The following MED13 variants were observed in gnomAD, a reference collection of about 807,000 sequenced individuals.
The protein encoded by MED13 is mediator complex subunit 13.
MED13 carries 23 observed loss-of-function variants against 225.2 expected under a neutral mutation model. That is an observed-to-expected ratio of 0.10 (90% CI 0.07 to 0.14). MED13 has a LOEUF of 0.14. MED13 is among the 10% of genes least tolerant of loss of function. The pLI is 1.00. For synonymous variants in MED13, 942 were observed against 889.2 expected (o/e 1.06, Z -1.06); for missense variants, 2,197 against 2,594.5 (o/e 0.85, Z 3.33).
chr17:61,984,137 C>T (rs757571506), intron 15 of MED13, 34 bp downstream of exon 15: 4 of 1,352,936 alleles, frequency 3.0e-6, no homozygotes, highest in Non-Finnish European at 3.9e-6. Flanking sequence ...GCTGTATAAG[C>T]AGTCACATAC....
At chr17:62,002,421 G>A (rs1175779923) in intron 9 of MED13, among the ~76,000 whole-genome samples, 1 of 150,476 alleles carries the variant, frequency 6.6e-6, no homozygotes, top group African/African-American at 2.5e-5. Context: ...CCTGGGAGGC[G>A]GAGGTTGCAG....
chr17:61,950,763 A>G, intron 28 of MED13, 62 bp downstream of exon 28: 1 of 1,507,920 alleles, frequency 6.6e-7, no homozygotes, highest in Non-Finnish European at 9.0e-7. Context: ...CCACTTCTAT[A>G]TTTCTCAGGA....
intron 2 of MED13, among the ~76,000 whole-genome samples, chr17:62,054,258 G>A (rs2080979428): frequency 6.6e-6 from 1 of 151,828 alleles, no homozygotes; most frequent in Non-Finnish European, 1.5e-5. Context: ...CCAAGATCGT[G>A]CCACTGCACT....
intron 20 of MED13, among the ~76,000 whole-genome samples, chr17:61,963,738 C>T (rs986617823): frequency 1.3e-5 from 2 of 152,056 alleles, no homozygotes; most frequent in African/African-American, 2.4e-5. Flanking sequence ...GTATCAATCT[C>T]GATAATGGTT....
intron 8 of MED13, among the ~76,000 whole-genome samples, chr17:62,016,785 G>C (rs2080586198): frequency 6.6e-6 from 1 of 152,280 alleles, no homozygotes; most frequent in African/African-American, 2.4e-5. Flanking sequence ...AAGGCGGACG[G>C]AACACCTGAG....
rs191621257 is a variant in MED13 at position 62,027,108 on chromosome 17, A to G, written c.1283+2433T>C. On this transcript the variant is annotated intron_variant, in intron 8 of 29. Transcript: ENST00000397786. ...TATTTTTAAATTTCTATGAAATTCA[A>G]AAAGAGCCCAAATAGCCAAGGCAAT... Among the ~76,000 whole-genome samples, 10 of 152,350 alleles carry G rather than the reference A, an allele frequency of 6.6e-5. No homozygotes were observed. In the East Asian group the frequency reaches 1.5e-3, roughly 23 times the overall value.
At chr17:61,968,387 G>C (rs905771735) in intron 17 of MED13, 129 bp from the exon 18 acceptor site, 1 of 617,134 alleles carries the variant, frequency 1.6e-6, no homozygotes, top group South Asian at 3.4e-5. Flanking sequence ...GTGCAGTGGC[G>C]CCATCTCGGC....
intron 3 of MED13, among the ~76,000 whole-genome samples, chr17:62,048,025 C>CAT (rs1568000827): frequency 8.9e-6 from 1 of 111,800 alleles, no homozygotes; most frequent in Non-Finnish European, 1.8e-5. Flanking sequence ...TACATATATA[C>CAT]ATATACATAT....
At chr17:62,061,376 A>G (rs2081037843) in intron 2 of MED13, among the ~76,000 whole-genome samples, 1 of 152,124 alleles carries the variant, frequency 6.6e-6, no homozygotes, top group African/African-American at 2.4e-5. Flanking sequence ...AAAAAGAAAA[A>G]AAAAATTAAA....
At chr17:61,984,971 T>C in intron 13 of MED13, 29 bp downstream of exon 13, 1 of 1,607,156 alleles carries the variant, frequency 6.2e-7, no homozygotes. Flanking sequence ...TTCGCAAATT[T>C]ATCTCGAGCA....
intron 9 of MED13, among the ~76,000 whole-genome samples, chr17:62,008,088 C>T (rs1371808977): frequency 6.8e-6 from 1 of 147,908 alleles, no homozygotes; most frequent in African/African-American, 2.5e-5. Context: ...GAGGCCGGGG[C>T]GGGCGGATCA....
At chr17:62,008,050 GCTCACGC>G (rs1443797129) in intron 9 of MED13, among the ~76,000 whole-genome samples, 1 of 142,612 alleles carries the variant, frequency 7.0e-6, no homozygotes, top group African/African-American at 2.8e-5. Context: ...GTGCGCAGTG[GCTCACGC>G]CTGTAATCCC....
intron 16 of MED13, among the ~76,000 whole-genome samples, chr17:61,976,341 TC>T (rs946506757): frequency 2.0e-5 from 3 of 152,180 alleles, no homozygotes; most frequent in African/African-American, 7.2e-5. Flanking sequence ...ATATGCAATA[TC>T]CAAAAGCGGC....
At chr17:61,964,258 A>T (rs1283636125) in intron 20 of MED13, among the ~76,000 whole-genome samples, 1 of 152,236 alleles carries the variant, frequency 6.6e-6, no homozygotes, top group Non-Finnish European at 1.5e-5. Flanking sequence ...TAAAGTCCTC[A>T]TTATAATTTT....
chr17:61,990,264 T>C (rs949001137), intron 11 of MED13, among the ~76,000 whole-genome samples: 22 of 152,194 alleles, frequency 1.4e-4, no homozygotes, highest in Admixed American at 1.4e-3. Flanking sequence ...TTAAACAGCT[T>C]GATCTACCCA....
chr17:62,037,194 A>G (rs968440565), intron 3 of MED13, among the ~76,000 whole-genome samples: 1 of 152,058 alleles, frequency 6.6e-6, no homozygotes, highest in African/African-American at 2.4e-5. Context: ...TGGAGGCTGC[A>G]GTGAGCCAAG....
intron 9 of MED13, among the ~76,000 whole-genome samples, chr17:61,998,496 G>A (rs2080364556): frequency 6.6e-6 from 1 of 151,774 alleles, no homozygotes; most frequent in Non-Finnish European, 1.5e-5. Context: ...TTCCAGATGA[G>A]GTATGACAGT....
intron 6 of MED13, chr17:62,030,236 G>A: frequency 2.5e-6 from 1 of 407,520 alleles, no homozygotes; most frequent in Non-Finnish European, 4.3e-6. Flanking sequence ...TACCAAGAGT[G>A]GGGTTCTCAG....
Position 61,982,937 on chromosome 17 carries a change from A to ACGAGGAGTC in MED13, c.3057_3065dup (p.Thr1020_Arg1022dup), listed in dbSNP as rs766380095. The ACGAGGAGTC allele has an allele frequency of 1.2e-6, 2 of 1,614,142 alleles. No homozygotes were observed. Among genetic ancestry groups the ACGAGGAGTC allele is most frequent in the Non-Finnish European group, 1.7e-6 (2 of 1,180,024 alleles). ...GAGCACTAGCAGGTCCACCAGCTCC[A>ACGAGGAGTC]CGAGGAGTCCGAGGAGTCCTTGGAG... On this transcript the variant is annotated inframe_insertion, in exon 16 of 30. Coordinates refer to ENST00000397786, the MANE Select transcript of MED13 (RefSeq NM_005121.3).
Sources: gnomAD v4.1 joint callset for allele counts (sites outside exome capture counted in the v4.1 genomes callset) on GRCh38, gnomAD v4.1.1 for gene constraint, MANE v1.5 for transcripts, NCBI Gene and HGNC (gene_info 2026-07-23, HGNC 2026-07-21) for gene names.